Variants in STRN3 observed in about 807,000 individuals in gnomAD.
STRN3 encodes striatin-3.
STRN3 carries 29 observed loss-of-function variants against 95.6 expected under a neutral mutation model. The observed-to-expected ratio is 0.30, with a 90% confidence interval of 0.23 to 0.41. The LOEUF is 0.41. Ranked by LOEUF, STRN3 falls within the 10% of genes least tolerant of loss-of-function variation. The pLI is 1.00. For synonymous variants in STRN3, 331 were observed against 357.6 expected, an observed-to-expected ratio of 0.93 and a Z score of 0.84; for missense variants, 890 against 972.1, an observed-to-expected ratio of 0.92 and a Z score of 1.12.
chr14:30,899,394 A>C (rs1411505786), intron 16 of STRN3, among the ~76,000 whole-genome samples: 1 of 152,222 alleles, frequency 6.6e-6, no homozygotes, highest in Non-Finnish European at 1.5e-5. Context: ...TAAAGTCAAG[A>C]ATCTATCATA....
intron 1 of STRN3, among the ~76,000 whole-genome samples, chr14:30,978,798 C>T (rs1881240977): frequency 1.3e-5 from 2 of 152,174 alleles, no homozygotes; most frequent in Non-Finnish European, 1.5e-5. Context: ...TTTGAGAGGC[C>T]AGGGCAGGCA....
At chr14:30,904,032 T>C (rs1298605773) in intron 15 of STRN3, among the ~76,000 whole-genome samples, 2 of 152,216 alleles carry the variant, frequency 1.3e-5, no homozygotes, top group Admixed American at 1.3e-4. Flanking sequence ...TTCTTAGCTC[T>C]GTCCATTGAA....
At chr14:31,019,140 G>T (rs1217039355) in intron 1 of STRN3, among the ~76,000 whole-genome samples, 2 of 151,922 alleles carry the variant, frequency 1.3e-5, no homozygotes, top group African/African-American at 4.8e-5. Flanking sequence ...GAAAGACCCT[G>T]TCTCTACTAA....
intron 4 of STRN3, among the ~76,000 whole-genome samples, chr14:30,949,418 T>C (rs921143736): frequency 1.8e-4 from 27 of 152,272 alleles, no homozygotes; most frequent in African/African-American, 6.0e-4. Context: ...CAAGACCATC[T>C]TGGCCAACAT....
intron 1 of STRN3, among the ~76,000 whole-genome samples, chr14:30,988,200 CAT>C (rs1881788640): frequency 1.3e-5 from 2 of 152,120 alleles, no homozygotes; most frequent in African/African-American, 4.8e-5. Flanking sequence ...ACTGATTTGA[CAT>C]ATTAAAAAAC....
intron 1 of STRN3, among the ~76,000 whole-genome samples, chr14:31,013,892 T>TATTTGAGACAGAGTGTC (rs1883105785): frequency 1.4e-5 from 2 of 145,354 alleles, no homozygotes; most frequent in South Asian, 2.2e-4. Context: ...TTATTATTAT[T>TATTTGAGACAGAGTGTC]ATTATTATTA....
At chr14:30,955,536 A>C (rs1879857135) in intron 3 of STRN3, 84 bp downstream of exon 3, 1 of 1,212,504 alleles carries the variant, frequency 8.2e-7, no homozygotes, top group African/African-American at 1.6e-5. Context: ...AATATTATCA[A>C]ACCAAAATGC....
At position 30,956,202 on chromosome 14, in the gene STRN3, T is replaced by C; in HGVS notation, c.323A>G (p.Glu108Gly). 6.2e-7 allele frequency: 1 copy of C among 1,614,018 alleles called. No individual in the cohort carries two copies. Among genetic ancestry groups the C allele is most frequent in the Non-Finnish European group, 8.5e-7 (1 of 1,179,976 alleles). The change falls in exon 2 of 18, where the codon GAG (glutamate) becomes GGG (glycine). Residue 108 changes from glutamate (E) to glycine (G), a missense_variant. This residue lies in a region of STRN3 where 526 missense variants were observed against 526.3 expected (regional missense o/e 1.00). Coordinates refer to ENST00000357479, the MANE Select transcript of STRN3 (RefSeq NM_001083893.2). ...TCTTACTAAGTCCTTCTTCAGGTTC[T>C]CTTGACCTTTTCTTTCGCCTTGTAG... is the stretch of plus-strand genomic sequence containing the variant. ...AFLQGERKGQENLKKDLVRRI... is the reference protein window; with the variant it reads ...AFLQGERKGQGNLKKDLVRRI...
At chr14:30,999,382 G>A (rs1226820536) in intron 1 of STRN3, among the ~76,000 whole-genome samples, 1 of 152,120 alleles carries the variant, frequency 6.6e-6, no homozygotes, top group African/African-American at 2.4e-5. Flanking sequence ...TTATAAATAT[G>A]TTGAAAGAAC....
At chr14:30,911,017 AT>A in intron 13 of STRN3, 23 bp downstream of exon 13, 1 of 1,577,110 alleles carries the variant, frequency 6.3e-7, no homozygotes, top group Non-Finnish European at 8.6e-7. Flanking sequence ...CTTAAAAAAA[AT>A]ACATTTTGAT....
chr14:30,961,758 C>T (rs1343904190), intron 1 of STRN3, among the ~76,000 whole-genome samples: 1 of 152,170 alleles, frequency 6.6e-6, no homozygotes, highest in Non-Finnish European at 1.5e-5. Context: ...CTCGGGCCAC[C>T]AGCCAGGCTA....
At chr14:30,993,880 CT>C (rs201135781) in intron 1 of STRN3, among the ~76,000 whole-genome samples, 127 of 138,392 alleles carry the variant, frequency 9.2e-4, no homozygotes, top group Admixed American at 1.7e-3. Context: ...GGGTTTCTTT[CT>C]TTTTTTTTTT....
At chr14:30,906,852 T>C (rs751199552) in intron 14 of STRN3, 25 bp downstream of exon 14, 4 of 1,593,616 alleles carry the variant, frequency 2.5e-6, no homozygotes, top group Middle Eastern at 1.7e-4. Flanking sequence ...AACTAACTTT[T>C]CTCACAGATG....
intron 1 of STRN3, among the ~76,000 whole-genome samples, chr14:31,013,865 TATTATTA>T (rs1566493130): frequency 3.3e-5 from 3 of 91,504 alleles, no homozygotes; most frequent in Non-Finnish European, 4.1e-5. Context: ...AAAGCAATTT[TATTATTA>T]TTATTATTAT....
At chr14:31,013,327 C>A (rs958492309) in intron 1 of STRN3, among the ~76,000 whole-genome samples, 1 of 151,176 alleles carries the variant, frequency 6.6e-6, no homozygotes, top group Non-Finnish European at 1.5e-5. Context: ...CAGCCAAGAT[C>A]GCATCACCAC....
In STRN3 at chr14:30,925,297, TTAACTTAGCAC is replaced by T. The variant is rs1259863405; in HGVS notation, c.1099+3893_1099+3903del. ...GAACGAGTTGGGAGACACAGAAACTTTAACTTAGCACTTTTAACTTAGCATTTAAAAGTCAA... is the reference window on the plus strand; with the variant it reads ...GAACGAGTTGGGAGACACAGAAACTTTTTTAACTTAGCATTTAAAAGTCAA... On this transcript the variant is annotated intron_variant, in intron 8 of 17. Coordinates refer to ENST00000357479, the MANE Select transcript of STRN3 (RefSeq NM_001083893.2). Among the ~76,000 whole-genome samples, 8 of 152,192 alleles carry T rather than the reference TTAACTTAGCAC, an allele frequency of 5.3e-5. 1 individual carries two copies. Among genetic ancestry groups the T allele is most frequent in the African/African-American group, 1.9e-4 (8 of 41,538 alleles).
At chr14:30,969,487 T>C (rs1005130015) in intron 1 of STRN3, among the ~76,000 whole-genome samples, 11 of 151,614 alleles carry the variant, frequency 7.3e-5, no homozygotes, top group African/African-American at 2.7e-4. Flanking sequence ...ACATTAAAAA[T>C]TGGATAAATA....
At chr14:30,924,070 A>G (rs2139030461) in intron 8 of STRN3, among the ~76,000 whole-genome samples, 2 of 151,930 alleles carry the variant, frequency 1.3e-5, no homozygotes, top group East Asian at 3.9e-4. Context: ...ACTGAGTTTT[A>G]GCTTAGATAT....
At chr14:30,987,580 C>T (rs1385274142) in intron 1 of STRN3, among the ~76,000 whole-genome samples, 1 of 151,888 alleles carries the variant, frequency 6.6e-6, no homozygotes, top group Admixed American at 6.6e-5. Flanking sequence ...ACAACCAGGC[C>T]ATGTAGGACC....
Sources: allele counts gnomAD v4.1 joint callset (sites outside exome capture counted in the v4.1 genomes callset), GRCh38; gene constraint gnomAD v4.1.1; regional missense constraint gnomAD v4.1.1; transcripts MANE v1.5; gene names NCBI Gene and HGNC (gene_info 2026-07-23, HGNC 2026-07-21).